Variants in PPP1R26 observed in about 807,000 individuals in gnomAD.
PPP1R26 encodes 1A6/DRIM (down-regulated in metastasis) interacting protein.
In PPP1R26, 22 loss-of-function variants were observed where a neutral mutation model predicts 67.6. That is an observed-to-expected ratio of 0.33 (90% CI 0.23 to 0.46). The LOEUF is 0.46. Among genes scored for constraint, PPP1R26 ranks in the 20% least tolerant of loss-of-function variants. The probability of loss-of-function intolerance (pLI) is 1.00; values close to 1 mark genes in which losing one functional copy is unlikely to be tolerated. For missense variants in PPP1R26, 1,602 were observed against 1,651.4 expected (o/e 0.97, Z 0.52); for synonymous variants, 729 against 717.2 (o/e 1.02, Z -0.26).
rs1245604013 is a variant in PPP1R26 at position 135,485,686 on chromosome 9, C to T, written c.1176C>T (p.Val392=). The T allele has an allele frequency of 1.2e-6, 2 of 1,611,126 alleles. No individual in the cohort carries two copies. Among genetic ancestry groups the T allele is most frequent in the African/African-American group, 1.3e-5 (1 of 75,030 alleles). ...KEADGDLPQR[V]QLREERAPDP... The stretch of plus-strand genomic sequence containing the variant: ...CCGACGGGGACCTGCCCCAGAGGGT[C>T]CAACTCCGAGAGGAGAGAGCGCCTG... Residue 392 remains valine, a synonymous_variant, in exon 4 of 4, where the codon GTC becomes GTT. Transcript: ENST00000356818. The surrounding 1 kb of genome is among the most constrained non-coding windows in gnomAD (Gnocchi z 7.2).
chr9:135,484,314 T>C, intron 3 of PPP1R26, 135 bp from the exon 4 acceptor site: 1 of 591,174 alleles, frequency 1.7e-6, no homozygotes, highest in Non-Finnish European at 2.9e-6. Context: ...GACACCCAGC[T>C]AGCTGGACGT....
rs1308497406 is a variant in PPP1R26 at position 135,488,776 on chromosome 9, A to G, written c.*636A>G. 1 of 167,076 alleles carries G rather than the reference A, an allele frequency of 6.0e-6. No homozygotes were observed. The highest frequency in any genetic ancestry group is 2.4e-5 in the African/African-American group (1 of 41,452). The allele number at this position is 167,076 out of a possible 1,614,324, so 10.3% of individuals were successfully genotyped here. On this transcript the variant is annotated 3_prime_UTR_variant, in exon 4 of 4. Transcript: ENST00000356818. Reference sequence around the variant, plus strand: ...CTACTCCCTGTTGCATGTCAAATCCACACAGATGTCAGCGGCAGCTGCTCG... The same window carrying G: ...CTACTCCCTGTTGCATGTCAAATCCGCACAGATGTCAGCGGCAGCTGCTCG...
rs370197502 is a variant in PPP1R26, at chr9:135,484,814, G to A, written c.304G>A (p.Val102Ile). Residue 102 changes from valine (V) to isoleucine (I), a missense_variant, in exon 4 of 4, where the codon GTT becomes ATT. Physicochemically the swap from Val to Ile is conservative, Grantham distance 29. Around this residue, in one of 5 missense-constraint regions of PPP1R26, gnomAD observed 168 missense variants for 176.1 expected, o/e 0.95. Transcript: ENST00000356818. ...ACCCGCGTTGGCTGTCTGTGGTCTC[G>A]TTGCTGACTTTGACCCCATGGGGGA... Reference protein sequence around the residue: ...EPPALAVCGLVADFDPMGEEE... With the variant: ...EPPALAVCGLIADFDPMGEEE... 24 of 1,610,766 alleles carry A rather than the reference G, an allele frequency of 1.5e-5. No individual in the cohort carries two copies. Among genetic ancestry groups the A allele is most frequent in the South Asian group, 3.3e-5 (3 of 90,970 alleles).
Position 135,483,981 on chromosome 9 carries a change from C to T in PPP1R26, c.-164C>T, listed in dbSNP as rs765620804. On this transcript the variant is annotated 5_prime_UTR_variant, in exon 3 of 4. The change creates a new upstream start codon in the 5' untranslated region. Coordinates refer to ENST00000356818, the MANE Select transcript of PPP1R26 (RefSeq NM_014811.5). ...GTCGGTTGGGTCAAGAATGAACCTA[C>T]GCATGACGGCGTGCTGATCCTGGGT... 2.7e-5 allele frequency: 11 copies of T among 400,598 alleles called. No homozygotes were observed. Among genetic ancestry groups the T allele is most frequent in the East Asian group, 2.1e-4 (6 of 28,090 alleles). The allele number at this position is 400,598 out of a possible 1,614,324, so 24.8% of individuals were successfully genotyped here. A position where few individuals can be genotyped will look rare whatever the true frequency, so the allele number is the denominator to read the frequency against.
chr9:135,479,286 G>GGGGC (rs1469351410), upstream of PPP1R26, among the ~76,000 whole-genome samples: 6 of 152,038 alleles, frequency 3.9e-5, no homozygotes, highest in South Asian at 4.1e-4. This position sits in a 1 kb window ranked among gnomAD's most constrained non-coding sequence, Gnocchi z 5.9. Context: ...TGGGGCTGGA[G>GGGGC]GGGCGGGCGG....
chr9:135,480,204 G>T, intron 1 of PPP1R26, 182 bp downstream of exon 1: 1 of 151,666 alleles, frequency 6.6e-6, no homozygotes, highest in South Asian at 2.0e-4. Flanking sequence ...CCCGGGCGGG[G>T]ATCCTGTCTC....
chr9:135,485,750 G>A lies in PPP1R26; in HGVS notation c.1240G>A (p.Ala414Thr). 6.2e-7 allele frequency: 1 copy of A among 1,610,910 alleles called. No individual in the cohort carries two copies. Among genetic ancestry groups the A allele is most frequent in the Non-Finnish European group, 8.5e-7 (1 of 1,180,008 alleles). The stretch of plus-strand genomic sequence containing the variant: ...CAGCACAAGCAGTGCCACAAAAAGT[G>A]CCTTGCCCGAGACCCACAGGAAAAC... ...AHSTSSATKSALPETHRKTPS... is the reference protein window; with the variant it reads ...AHSTSSATKSTLPETHRKTPS... The change falls in exon 4 of 4, where the codon GCC (alanine) becomes ACC (threonine). Residue 414 changes from alanine to threonine, a missense_variant. Ala to Thr is a moderately conservative substitution (Grantham distance 58). Around this residue, in one of 5 missense-constraint regions of PPP1R26, gnomAD observed 680 missense variants for 726.1 expected, o/e 0.94. Coordinates refer to ENST00000356818, the MANE Select transcript of PPP1R26 (RefSeq NM_014811.5). The surrounding 1 kb of genome is among the most constrained non-coding windows in gnomAD (Gnocchi z 7.2).
rs949368496 is a variant in PPP1R26 at position 135,486,994 on chromosome 9, C to T, written c.2484C>T (p.Ser828=). The part of the protein sequence containing the change: ...APSPGSLSDD[S]SSVDSNDSIE... ...GCCCCGGCTCCCTGTCTGATGACAG[C>T]AGTTCAGTGGACAGCAACGACAGCA... Residue 828 remains serine (S), a synonymous_variant, in exon 4 of 4, where the codon AGC becomes AGT. Coordinates refer to ENST00000356818, the MANE Select transcript of PPP1R26 (RefSeq NM_014811.5). This position sits in a 1 kb window ranked among gnomAD's most constrained non-coding sequence, Gnocchi z 6.2. 1 of 1,612,526 alleles carries T rather than the reference C, an allele frequency of 6.2e-7. No individual in the cohort carries two copies. Among genetic ancestry groups the T allele is most frequent in the Non-Finnish European group, 8.5e-7 (1 of 1,179,918 alleles).
At chr9:135,481,432 G>A (rs1830517757) in intron 1 of PPP1R26, among the ~76,000 whole-genome samples, 1 of 151,800 alleles carries the variant, frequency 6.6e-6, no homozygotes, top group Non-Finnish European at 1.5e-5. Context: ...GTAGAGATGG[G>A]GTTTCGCCAT....
At position 135,487,295 on chromosome 9, in the gene PPP1R26, G is replaced by A. The variant is rs1830779942; in HGVS notation, c.2785G>A (p.Ala929Thr). Residue 929 changes from alanine to threonine, a missense_variant, in exon 4 of 4, where the codon GCT becomes ACT. Coordinates refer to ENST00000356818, the MANE Select transcript of PPP1R26 (RefSeq NM_014811.5). ...CAGCCAGGGCGGGAAGGGGCTCCCT[G>A]CTGCTCCTGCCCGAGGGGATCCGGT... The part of the protein sequence containing the change: ...LFSQGGKGLP[A>T]APARGDPVPP... 1 of 1,556,026 alleles carries A rather than the reference G, an allele frequency of 6.4e-7. No individual in the cohort carries two copies.
upstream of PPP1R26, chr9:135,479,156 G>C (rs907491782): frequency 4.6e-5 from 7 of 152,210 alleles, no homozygotes; most frequent in African/African-American, 1.7e-4. The surrounding 1 kb of genome is among the most constrained non-coding windows in gnomAD (Gnocchi z 5.9). Flanking sequence ...CGAACCTGGC[G>C]GCAGGTGTGC....
Position 135,485,017 on chromosome 9 carries a change from CAGT to C in PPP1R26, c.510_512del (p.Ser170del). ...AGCCTTCCAGGGCCGCAGGCGGAGG[CAGT>C]AGATGTAAGCCGGAACCGGCTCACG... On this transcript the variant is annotated inframe_deletion, in exon 4 of 4. Coordinates refer to ENST00000356818, the MANE Select transcript of PPP1R26 (RefSeq NM_014811.5). The surrounding 1 kb of genome is among the most constrained non-coding windows in gnomAD (Gnocchi z 7.2). 6.3e-7 allele frequency: 1 copy of C among 1,591,468 alleles called. No homozygotes were observed. Among genetic ancestry groups the C allele is most frequent in the Non-Finnish European group, 8.5e-7 (1 of 1,169,810 alleles).
At chr9:135,481,006 C>T (rs1476978198) in intron 1 of PPP1R26, among the ~76,000 whole-genome samples, 1 of 152,060 alleles carries the variant, frequency 6.6e-6, no homozygotes, top group African/African-American at 2.4e-5. Context: ...TGGCGAGGGC[C>T]CAGTGTGGGT....
At chr9:135,479,351 C>A (rs572982102), upstream of PPP1R26, among the ~76,000 whole-genome samples, 1,366 of 151,926 alleles carry the variant, frequency 9.0e-3, 21 homozygotes, top group African/African-American at 0.031. This position sits in a 1 kb window ranked among gnomAD's most constrained non-coding sequence, Gnocchi z 5.9. Context: ...CGGTTGGCGC[C>A]GGGGCCCCGC....
chr9:135,485,235 C>T lies in PPP1R26; in HGVS notation c.725C>T (p.Thr242Ile). The T allele has an allele frequency of 6.2e-7, 1 of 1,612,882 alleles. No individual in the cohort carries two copies. Among genetic ancestry groups the T allele is most frequent in the African/African-American group, 1.3e-5 (1 of 75,030 alleles). ...QFLNEKRQHETQKCDGSVEKK... is the reference protein window; with the variant it reads ...QFLNEKRQHEIQKCDGSVEKK... Reference sequence around the variant, plus strand: ...CTGAATGAGAAGAGACAGCATGAGACCCAAAAATGTGATGGGTCAGTGGAG... The same window carrying T: ...CTGAATGAGAAGAGACAGCATGAGATCCAAAAATGTGATGGGTCAGTGGAG... The change falls in exon 4 of 4, where the codon ACC becomes ATC. Residue 242 changes from threonine (T) to isoleucine (I), a missense_variant. By Grantham distance (89) the Thr-to-Ile change is moderately conservative. This residue lies in a region of PPP1R26 where 680 missense variants were observed against 726.1 expected (regional missense o/e 0.94). Transcript: ENST00000356818. The surrounding 1 kb of genome is among the most constrained non-coding windows in gnomAD (Gnocchi z 7.2).
At chr9:135,480,531 G>A (rs1480556842) in intron 1 of PPP1R26, 3 of 152,272 alleles carry the variant, frequency 2.0e-5, no homozygotes, top group East Asian at 1.9e-4. Flanking sequence ...CCGAGGACCA[G>A]GTCGCCGATC....
In PPP1R26 at chr9:135,486,661, G is replaced by C; in HGVS notation, c.2151G>C (p.Ala717=). The C allele has an allele frequency of 1.9e-6, 3 of 1,609,270 alleles. No homozygotes were observed. Among genetic ancestry groups the C allele is most frequent in the South Asian group, 1.1e-5 (1 of 90,570 alleles). ...LKKRCREPRA[A]CRKKVRFSTA... is the part of the protein sequence containing the mutation. ...AGAGGTGCAGGGAGCCCAGGGCTGC[G>C]TGCAGGAAGAAGGTCAGGTTCAGCA... is the stretch of plus-strand genomic sequence containing the variant. The change falls in exon 4 of 4, where the codon GCG becomes GCC. Residue 717 remains alanine, a synonymous_variant. Transcript: ENST00000356818. The surrounding 1 kb of genome is among the most constrained non-coding windows in gnomAD (Gnocchi z 6.2).
Position 135,486,139 on chromosome 9 carries a change from C to T in PPP1R26, c.1629C>T (p.Ala543=), listed in dbSNP as rs267602166. ...AGCAGGAAATCCGGACATTTTTGGC[C>T]CTAAAGGCGCAGTCAGGGAGTTTGC... ...SIEQEIRTFL[A]LKAQSGSLLA... is the part of the protein sequence containing the mutation. The change falls in exon 4 of 4, where the codon GCC becomes GCT. Residue 543 remains alanine (A), a synonymous_variant. Transcript: ENST00000356818. This position sits in a 1 kb window ranked among gnomAD's most constrained non-coding sequence, Gnocchi z 6.2. 18 of 1,612,938 alleles carry T rather than the reference C, an allele frequency of 1.1e-5. No individual in the cohort carries two copies. Among genetic ancestry groups the T allele is most frequent in the Non-Finnish European group, 1.5e-5 (18 of 1,180,028 alleles).
In PPP1R26 at chr9:135,487,860, C is replaced by T. The variant is rs759779989; in HGVS notation, c.3350C>T (p.Ser1117Leu). 3 of 1,590,686 alleles carry T rather than the reference C, an allele frequency of 1.9e-6. No homozygotes were observed. Among genetic ancestry groups the T allele is most frequent in the East Asian group, 2.2e-5 (1 of 44,620 alleles). The change falls in exon 4 of 4, where the codon TCG becomes TTG. Residue 1117 changes from serine to leucine, a missense_variant. Ser to Leu is a moderately radical substitution (Grantham distance 145). Transcript: ENST00000356818. ...LGLPLQGPSF[S>L]AFREAQAGPS... ...CTGCCTCTGCAGGGCCCCTCCTTCTCGGCCTTCAGGGAGGCCCAGGCCGGA... is the reference window on the plus strand; with the variant it reads ...CTGCCTCTGCAGGGCCCCTCCTTCTTGGCCTTCAGGGAGGCCCAGGCCGGA...
Sources: gnomAD v4.1 joint callset for allele counts (sites outside exome capture counted in the v4.1 genomes callset) on GRCh38, gnomAD v4.1.1 for gene constraint, gnomAD v4.1.1 regional missense constraint, Gnocchi (gnomAD v3.1) non-coding constraint, MANE v1.5 for transcripts, NCBI Gene and HGNC (gene_info 2026-07-23, HGNC 2026-07-21) for gene names.